Variants in TACC2 observed in about 807,000 individuals in gnomAD.
The protein encoded by TACC2 is transforming acidic coiled-coil containing protein 2, also known as transforming acidic coiled-coil-containing protein 2.
Under a neutral mutation model 227.3 loss-of-function variants are expected in TACC2, and 137 were observed. The observed-to-expected ratio is 0.60, with a 90% CI of 0.52 to 0.69. The LOEUF is 0.69. Among genes scored for constraint, TACC2 ranks in the 30% least tolerant of loss-of-function variants. The pLI, the probability that TACC2 is intolerant of heterozygous loss-of-function variation, is 0.00. For missense variants in TACC2, 3,470 were observed against 3,694.4 expected (o/e 0.94, Z 1.57); for synonymous variants, 1,523 against 1,487.5 (o/e 1.02, Z -0.55).
intron 14 of TACC2, among the ~76,000 whole-genome samples, chr10:122,228,928 T>A (rs780049609): frequency 3.9e-5 from 6 of 152,206 alleles, no homozygotes; most frequent in African/African-American, 7.2e-5. Context: ...TTTGAAATCA[T>A]CTTTCCGTGA....
chr10:122,237,526 C>T lies in TACC2; in HGVS notation c.8259C>T (p.Ile2753=), dbSNP rs1268666853. The change falls in exon 17 of 23, where the codon ATC becomes ATT. Residue 2753 remains isoleucine, a synonymous_variant. Transcript: ENST00000369005. The part of the protein sequence containing the change: ...QQPDLDSALQ[I]ARAEIITKER... ...CCGACCTGGACTCTGCCCTCCAGAT[C>T]GCCAGAGCAGAGGTATCGTGGCATG... 5.0e-6 allele frequency: 8 copies of T among 1,613,440 alleles called. No homozygotes were observed. The highest frequency in any genetic ancestry group is 3.3e-5 in the South Asian group (3 of 90,902).
intron 6 of TACC2, among the ~76,000 whole-genome samples, chr10:122,142,761 C>T (rs1345768100): frequency 1.3e-5 from 2 of 152,250 alleles, no homozygotes; most frequent in Non-Finnish European, 2.9e-5. Flanking sequence ...CACCTTCAGC[C>T]TGGCCAGTCC....
At chr10:122,025,220 G>C (rs1234517863) in intron 2 of TACC2, among the ~76,000 whole-genome samples, 2 of 152,078 alleles carry the variant, frequency 1.3e-5, no homozygotes, top group Non-Finnish European at 2.9e-5. Flanking sequence ...GTGAAAAATT[G>C]CTTTATGCCT....
At chr10:122,096,117 G>A (rs1331410901) in intron 5 of TACC2, among the ~76,000 whole-genome samples, 3 of 152,186 alleles carry the variant, frequency 2.0e-5, no homozygotes, top group Non-Finnish European at 4.4e-5. Context: ...TCTGTAAGTG[G>A]GGAGACCAAG....
chr10:122,211,047 G>A lies in TACC2; in HGVS notation c.6622G>A (p.Glu2208Lys). ...CAAAGCTGCCTGCCCTCTGGACTCA[G>A]AGAGTGCAGAAGGGGTTGTCCCCCC... ...GPKAACPLDSESAEGVVPPAS... is the reference protein window; with the variant it reads ...GPKAACPLDSKSAEGVVPPAS... Residue 2208 changes from glutamate (E) to lysine (K), a missense_variant, in exon 9 of 23, where the codon GAG becomes AAG. By Grantham distance (56) the Glu-to-Lys change is moderately conservative (BLOSUM62 1). Coordinates refer to ENST00000369005, the MANE Select transcript of TACC2 (RefSeq NM_206862.4). The A allele has an allele frequency of 6.2e-7, 1 of 1,612,708 alleles. No homozygotes were observed. The highest frequency in any genetic ancestry group is 8.5e-7 in the Non-Finnish European group (1 of 1,179,422).
At chr10:122,195,271 A>G in intron 8 of TACC2, 95 bp downstream of exon 8, 3 of 1,143,424 alleles carry the variant, frequency 2.6e-6, no homozygotes, top group Non-Finnish European at 3.7e-6. Flanking sequence ...GCTGGAGGCG[A>G]GCACTGACTC....
rs763225454 is a variant in TACC2 at position 122,211,682 on chromosome 10, C to CAAG, written c.7268_7270dup (p.Lys2423dup). On this transcript the variant is annotated inframe_insertion, in exon 9 of 23. Coordinates refer to ENST00000369005, the MANE Select transcript of TACC2 (RefSeq NM_206862.4). ...ACGGGGATGGGCTAAACAAGCCCGCCAAGAAGAAGAAGACGCCCCTAAAGA... is the reference window on the plus strand; with the variant it reads ...ACGGGGATGGGCTAAACAAGCCCGCCAAGAAGAAGAAGAAGACGCCCCTAAAGA... The CAAG allele has an allele frequency of 5.1e-6, 8 of 1,564,448 alleles. No homozygotes were observed. The highest frequency in any genetic ancestry group is 6.9e-6 in the Non-Finnish European group (8 of 1,162,256).
Position 122,084,608 on chromosome 10 carries a change from G to T in TACC2, c.2108G>T (p.Ser703Ile), listed in dbSNP as rs1249174665. 6 of 1,613,904 alleles carry T rather than the reference G, an allele frequency of 3.7e-6. No individual in the cohort carries two copies. Among genetic ancestry groups the T allele is most frequent in the Non-Finnish European group, 5.1e-6 (6 of 1,180,052 alleles). ...LQPKCPDTLQSREGLGRMESF... is the reference protein window; with the variant it reads ...LQPKCPDTLQIREGLGRMESF... ...CCCAAATGTCCTGACACCCTTCAGA[G>T]CAGGGAAGGATTGGGAAGAATGGAG... The change falls in exon 4 of 23, where the codon AGC becomes ATC. Residue 703 changes from serine to isoleucine, a missense_variant. This residue lies in a region of TACC2 where 1,924 missense variants were observed against 1,978.3 expected (regional missense o/e 0.97). Coordinates refer to ENST00000369005, the MANE Select transcript of TACC2 (RefSeq NM_206862.4).
intron 7 of TACC2, among the ~76,000 whole-genome samples, chr10:122,144,130 G>A (rs2091064143): frequency 6.6e-6 from 1 of 152,184 alleles, no homozygotes; most frequent in Admixed American, 6.5e-5. Flanking sequence ...TTGTAGCAGA[G>A]CCCCAAGGCC....
At chr10:122,113,289 A>G (rs2083981977) in intron 5 of TACC2, 1 of 152,246 alleles carries the variant, frequency 6.6e-6, no homozygotes, top group African/African-American at 2.4e-5. Context: ...CGCCCGAAGG[A>G]CCTTGGCCCC....
chr10:122,131,899 A>G (rs540964740), intron 5 of TACC2, among the ~76,000 whole-genome samples: 42 of 152,080 alleles, frequency 2.8e-4, no homozygotes, highest in Non-Finnish European at 5.0e-4. Flanking sequence ...GTGGGTGCCT[A>G]TAATTCCAGC....
intron 3 of TACC2, chr10:122,052,692 A>C (rs558914046): frequency 4.0e-5 from 6 of 151,758 alleles, no homozygotes; most frequent in African/African-American, 1.2e-4. Context: ...CAAAAAAAAA[A>C]AAAAAACAAA....
chr10:122,244,834 T>G (rs1354208470), intron 19 of TACC2, among the ~76,000 whole-genome samples: 1 of 152,206 alleles, frequency 6.6e-6, no homozygotes, highest in Non-Finnish European at 1.5e-5. Context: ...CACACCAGTG[T>G]GACATCAGTC....
At chr10:122,000,466 A>C (rs573001853) in intron 1 of TACC2, among the ~76,000 whole-genome samples, 14 of 152,230 alleles carry the variant, frequency 9.2e-5, no homozygotes, top group Non-Finnish European at 1.3e-4. Flanking sequence ...CTGCTTATGA[A>C]GAGATGACCT....
Position 122,195,150 on chromosome 10 carries a change from G to C in TACC2, c.5945G>C (p.Ser1982Thr), listed in dbSNP as rs149503672. The C allele has an allele frequency of 1.2e-6, 2 of 1,602,556 alleles. No individual in the cohort carries two copies. Among genetic ancestry groups the C allele is most frequent in the Non-Finnish European group, 1.7e-6 (2 of 1,174,132 alleles). ...GAAGTCATCCCAGAACCCGAGGTCA[G>C]CACACAGCCACCCCCGGAAGAACCA... ...PPEVIPEPEV[S>T]TQPPPEEPGC... The change falls in exon 8 of 23, where the codon AGC becomes ACC. Residue 1982 changes from serine (S) to threonine (T), a missense_variant. This residue lies in a region of TACC2 where 593 missense variants were observed against 636.6 expected (regional missense o/e 0.93). Coordinates refer to ENST00000369005, the MANE Select transcript of TACC2 (RefSeq NM_206862.4).
At position 122,194,561 on chromosome 10, in the gene TACC2, C is replaced by T. The variant is rs551886393; in HGVS notation, c.5835-479C>T. Among the ~76,000 whole-genome samples the T allele has an allele frequency of 2.6e-3, 401 of 152,160 alleles. 2 individuals are homozygous for T. The highest frequency in any genetic ancestry group is 2.8e-3 in the Non-Finnish European group (188 of 68,008). ...GGCTGCCCTCCTGTGTTTTGAGCTC[C>T]GTAGAAGAGAAAGACAGTAAACACT... On this transcript the variant is annotated intron_variant, in intron 7 of 22. Coordinates refer to ENST00000369005, the MANE Select transcript of TACC2 (RefSeq NM_206862.4). The surrounding 1 kb of genome is among the most constrained non-coding windows in gnomAD (Gnocchi z 4.4).
chr10:122,097,501 T>G (rs533004982), intron 5 of TACC2, among the ~76,000 whole-genome samples: 1 of 150,920 alleles, frequency 6.6e-6, no homozygotes, highest in Non-Finnish European at 1.5e-5. Context: ...GCACTCAGTT[T>G]TCAGGCCAGG....
At chr10:122,233,055 T>C (rs963533) in intron 16 of TACC2, among the ~76,000 whole-genome samples, 45,589 of 152,150 alleles carry the variant, frequency 0.3, 8,077 homozygotes, top group East Asian at 0.54. Flanking sequence ...TCTAGACTGA[T>C]GGAGAGCTGA....
chr10:122,250,842 G>A (rs775699471), intron 22 of TACC2, among the ~76,000 whole-genome samples: 2 of 151,582 alleles, frequency 1.3e-5, no homozygotes, highest in Non-Finnish European at 2.9e-5. Flanking sequence ...GTCTCCACTA[G>A]GCCCTGTGCC....
Sources: gnomAD v4.1 joint callset for allele counts (sites outside exome capture counted in the v4.1 genomes callset) on GRCh38, gnomAD v4.1.1 for gene constraint, gnomAD v4.1.1 regional missense constraint, Gnocchi (gnomAD v3.1) non-coding constraint, MANE v1.5 for transcripts, NCBI Gene and HGNC (gene_info 2026-07-23, HGNC 2026-07-21) for gene names.